ZNF385D: variants seen among roughly 807,000 people sequenced by gnomAD.
ZNF385D encodes zinc finger protein 659.
In ZNF385D, 15 loss-of-function variants were observed where a neutral mutation model predicts 35.8. The ratio of observed to expected loss-of-function variants is 0.42; its 90% CI spans 0.28 to 0.64. The LOEUF (loss-of-function observed/expected upper bound fraction) is 0.64, where lower values mean the gene tolerates loss of function less well. Among genes scored for constraint, ZNF385D ranks in the 30% least tolerant of loss-of-function variants. The probability of loss-of-function intolerance (pLI) is 0.23; values close to 1 mark genes in which losing one functional copy is unlikely to be tolerated. For synonymous variants in ZNF385D, 212 were observed against 186.8 expected, an observed-to-expected ratio of 1.13 and a Z score of -1.10; for missense variants, 474 against 494.6, an observed-to-expected ratio of 0.96 and a Z score of 0.39.
At chr3:22,365,676 C>A (rs1214449812) in intron 2 of ZNF385D, among the ~76,000 whole-genome samples, 3 of 152,110 alleles carry the variant, frequency 2.0e-5, no homozygotes, top group Non-Finnish European at 4.4e-5. Flanking sequence ...ATGGTTATTA[C>A]TAATTCCTCA....
intron 3 of ZNF385D, among the ~76,000 whole-genome samples, chr3:21,515,704 T>A (rs1193524754): frequency 6.6e-6 from 1 of 152,196 alleles, no homozygotes; most frequent in East Asian, 1.9e-4. Flanking sequence ...TAATATATAG[T>A]TTAACATTGA....
At chr3:22,323,761 G>A (rs948337051) in intron 2 of ZNF385D, among the ~76,000 whole-genome samples, 1 of 152,138 alleles carries the variant, frequency 6.6e-6, no homozygotes, top group African/African-American at 2.4e-5. Flanking sequence ...AAAGTGCTAA[G>A]TGATGAATAT....
rs139010936 is a variant in ZNF385D, at chr3:22,115,761, G to A, written c.325+53056C>T. Among the ~76,000 whole-genome samples, 1,291 of 152,154 alleles carry A rather than the reference G, an allele frequency of 8.5e-3. 13 individuals are homozygous for A. Among genetic ancestry groups the A allele is most frequent in the African/African-American group, 0.022 (933 of 41,512 alleles). On this transcript the variant is annotated intron_variant, in intron 3 of 5. Coordinates refer to the ZNF385D transcript ENST00000494108. ...GCAAAGAAAAATATGTACAGCTTTA[G>A]TCATATGACCTCTGAAGCACTTTGG...
At chr3:21,765,245 A>AGT (rs1399763996) in intron 3 of ZNF385D, among the ~76,000 whole-genome samples, 27 of 151,564 alleles carry the variant, frequency 1.8e-4, no homozygotes, top group South Asian at 4.2e-4. Flanking sequence ...AGAGCATTTG[A>AGT]GTGTGTGTGT....
At chr3:21,630,468 G>T (rs1312724849) in intron 2 of ZNF385D, among the ~76,000 whole-genome samples, 1 of 152,030 alleles carries the variant, frequency 6.6e-6, no homozygotes, top group Non-Finnish European at 1.5e-5. Context: ...ACCTCCCAAA[G>T]TGCTGGGAAA....
intron 2 of ZNF385D, among the ~76,000 whole-genome samples, chr3:21,628,379 A>C (rs1301575012): frequency 6.6e-6 from 1 of 152,102 alleles, no homozygotes; most frequent in Admixed American, 6.6e-5. Flanking sequence ...AGTGGAAAAC[A>C]AGGAGGATTT....
chr3:21,966,860 G>T (rs1339159288), intron 3 of ZNF385D, among the ~76,000 whole-genome samples: 1 of 152,216 alleles, frequency 6.6e-6, no homozygotes, highest in Non-Finnish European at 1.5e-5. Flanking sequence ...GGATTATAGG[G>T]ATTATAGCGC....
At chr3:22,175,916 A>T (rs964299733) in intron 2 of ZNF385D, among the ~76,000 whole-genome samples, 2 of 148,058 alleles carry the variant, frequency 1.4e-5, no homozygotes, top group Non-Finnish European at 3.0e-5. Context: ...AATATATATT[A>T]TATATAATAT....
intron 2 of ZNF385D, among the ~76,000 whole-genome samples, chr3:21,643,522 G>A (rs1249653114): frequency 1.3e-5 from 2 of 152,084 alleles, no homozygotes; most frequent in Non-Finnish European, 2.9e-5. Flanking sequence ...CTGCATGAGA[G>A]GTAGGGGAGA....
intron 4 of ZNF385D, among the ~76,000 whole-genome samples, chr3:21,464,199 T>G (rs1703360039): frequency 6.6e-6 from 1 of 152,182 alleles, no homozygotes; most frequent in Non-Finnish European, 1.5e-5. Flanking sequence ...AATTGCAGAT[T>G]TCATCATAAT....
chr3:22,112,861 A>G (rs1277710454), intron 3 of ZNF385D, among the ~76,000 whole-genome samples: 1 of 152,118 alleles, frequency 6.6e-6, no homozygotes. Flanking sequence ...AAACAGAAGC[A>G]ATTTTCTACC....
chr3:22,138,493 A>G (rs1376232848), intron 3 of ZNF385D, among the ~76,000 whole-genome samples: 1 of 151,918 alleles, frequency 6.6e-6, no homozygotes, highest in African/African-American at 2.4e-5. Context: ...AACAGAACAG[A>G]GCCCTCAGAA....
At position 21,416,267 on chromosome 3, in the gene ZNF385D, TG is replaced by T. The variant is rs1169255526; in HGVS notation, c.*4946del. The T allele has an allele frequency of 5.7e-4, 4 of 7,030 alleles. 2 individuals are homozygous for T. Among genetic ancestry groups the T allele is most frequent in the Non-Finnish European group, 1.2e-3 (4 of 3,404 alleles). The allele number at this position is 7,030 out of a possible 1,614,324, so 0.4% of individuals were successfully genotyped here. A position where few individuals can be genotyped will look rare whatever the true frequency, so the allele number is the denominator to read the frequency against. ...GGATGGTCTCGATCTCCTGACCTCATGATCCACCCGCCTCGGCCTCCCAAAG... is the reference window on the plus strand; with the variant it reads ...GGATGGTCTCGATCTCCTGACCTCATATCCACCCGCCTCGGCCTCCCAAAG... On this transcript the variant is annotated 3_prime_UTR_variant, in exon 8 of 8. Transcript: ENST00000281523.
chr3:21,897,431 C>T (rs551192667), intron 3 of ZNF385D, among the ~76,000 whole-genome samples: 5 of 152,226 alleles, frequency 3.3e-5, no homozygotes, highest in East Asian at 3.9e-4. Flanking sequence ...AAGACTGTGG[C>T]GGCTATCCTT....
intron 2 of ZNF385D, chr3:21,579,878 T>C (rs1245069975): frequency 1.3e-5 from 2 of 152,098 alleles, no homozygotes; most frequent in East Asian, 1.9e-4. Flanking sequence ...AAATTTCTCC[T>C]TTTATAAGGC....
In ZNF385D at chr3:21,591,267, AT is replaced by A. The variant is rs997902871; in HGVS notation, c.166-26584del. On this transcript the variant is annotated intron_variant, in intron 2 of 7. Coordinates refer to ENST00000281523, the MANE Select transcript of ZNF385D (RefSeq NM_024697.3). ...TAATCAACAAAAATTCCATATTATA[AT>A]TTTTTTTTTACAAGTGCCCCCTCAA... is the stretch of plus-strand genomic sequence containing the variant. Among the ~76,000 whole-genome samples the A allele has an allele frequency of 4.2e-3, 623 of 149,946 alleles. 2 individuals carry two copies. The highest frequency in any genetic ancestry group is 5.2e-3 in the African/African-American group (215 of 40,962).
rs1368860871 is a variant in ZNF385D at position 21,732,027 on chromosome 3, GGGGTTTTTTTTTTT to G, written c.22+18854_22+18867del. Among the ~76,000 whole-genome samples, 601 of 64,244 alleles carry G rather than the reference GGGGTTTTTTTTTTT, an allele frequency of 9.4e-3. 152 individuals carry two copies. Among genetic ancestry groups the G allele is most frequent in the African/African-American group, 0.044 (529 of 12,012 alleles). 42.1% of individuals were successfully genotyped at this position (64,244 alleles called of 152,430 possible). ...CTATTCAGGGTTTTTTTCTTTTTTCGGGGTTTTTTTTTTTTTTTTTTTTTTTTTTTTTTTTTTTT... is the reference window on the plus strand; with the variant it reads ...CTATTCAGGGTTTTTTTCTTTTTTCGTTTTTTTTTTTTTTTTTTTTTTTTT... On this transcript the variant is annotated intron_variant, in intron 1 of 7. Transcript: ENST00000281523.
At chr3:22,301,024 C>G (rs1015022799) in intron 2 of ZNF385D, among the ~76,000 whole-genome samples, 44 of 151,970 alleles carry the variant, frequency 2.9e-4, no homozygotes, top group African/African-American at 1.1e-3. Flanking sequence ...AGCCAAGATA[C>G]AGAAACAACC....
chr3:22,279,772 A>G (rs1157254820), intron 2 of ZNF385D, among the ~76,000 whole-genome samples: 1 of 151,770 alleles, frequency 6.6e-6, no homozygotes, highest in East Asian at 1.9e-4. Flanking sequence ...TAATTTGTAT[A>G]ATGACTTCTT....
Sources: allele counts gnomAD v4.1 joint callset (sites outside exome capture counted in the v4.1 genomes callset), GRCh38; gene constraint gnomAD v4.1.1; transcripts MANE v1.5; gene names NCBI Gene and HGNC (gene_info 2026-07-23, HGNC 2026-07-21).